Variants in KCNU1 observed in about 807,000 individuals in gnomAD.
KCNU1 encodes the protein potassium channel subfamily U member 1.
Under a neutral mutation model 126.8 loss-of-function variants are expected in KCNU1, and 93 were observed. The observed-to-expected ratio is 0.73, with a 90% CI of 0.62 to 0.87. The LOEUF is 0.87. KCNU1 is among the 40% of genes least tolerant of loss of function. The pLI is 0.00. For missense variants in KCNU1, 1,330 were observed against 1,367.1 expected (o/e 0.97, Z 0.43); for synonymous variants, 523 against 494.2 (o/e 1.06, Z -0.77).
In KCNU1 at chr8:36,936,079, C is replaced by A; in HGVS notation, c.*159C>A. 1.8e-6 allele frequency: 1 copy of A among 551,304 alleles called. No individual in the cohort carries two copies. Among genetic ancestry groups the A allele is most frequent in the Non-Finnish European group, 3.1e-6 (1 of 319,938 alleles). The allele number at this position is 551,304 out of a possible 1,614,324, so 34.2% of individuals were successfully genotyped here. Reference sequence around the variant, plus strand: ...ACACTGTTTTGGGTGAGACAAAAGTCTAATGCCACTGGATCTTGTGTGATA... The same window carrying A: ...ACACTGTTTTGGGTGAGACAAAAGTATAATGCCACTGGATCTTGTGTGATA... On this transcript the variant is annotated 3_prime_UTR_variant, in exon 27 of 27. Coordinates refer to ENST00000399881, the MANE Select transcript of KCNU1 (RefSeq NM_001031836.3).
intron 19 of KCNU1, among the ~76,000 whole-genome samples, chr8:36,864,875 T>C (rs1048467225): frequency 6.6e-5 from 10 of 152,116 alleles, no homozygotes; most frequent in African/African-American, 1.9e-4. Context: ...ACATTCAAGA[T>C]GTGATTGTCT....
At chr8:36,923,855 G>A (rs1425018638) in intron 24 of KCNU1, among the ~76,000 whole-genome samples, 6 of 152,162 alleles carry the variant, frequency 3.9e-5, no homozygotes, top group Admixed American at 3.3e-4. Context: ...AAAGGTTTAA[G>A]GAAGCAATAA....
intron 14 of KCNU1, among the ~76,000 whole-genome samples, chr8:36,837,249 A>C (rs184554707): frequency 1.9e-3 from 292 of 152,282 alleles, no homozygotes; most frequent in Middle Eastern, 6.8e-3. Flanking sequence ...TCAAAGTAGA[A>C]GCATTGAGTT....
chr8:36,894,268 C>G (rs910622839), intron 19 of KCNU1, among the ~76,000 whole-genome samples: 1 of 152,028 alleles, frequency 6.6e-6, no homozygotes, highest in Non-Finnish European at 1.5e-5. Flanking sequence ...GCACTTATCA[C>G]AATATTCTCA....
intron 4 of KCNU1, among the ~76,000 whole-genome samples, chr8:36,805,635 TG>T (rs1471835170): frequency 3.3e-5 from 5 of 152,206 alleles, no homozygotes; most frequent in Admixed American, 6.5e-5. Context: ...ACTGGTGGCA[TG>T]CCTGCAATAC....
intron 2 of KCNU1, among the ~76,000 whole-genome samples, chr8:36,792,045 G>C (rs1038789196): frequency 6.6e-6 from 1 of 152,114 alleles, no homozygotes; most frequent in Non-Finnish European, 1.5e-5. Flanking sequence ...ATTTTTTGCA[G>C]ATGATTACCT....
At chr8:36,924,035 T>C (rs1808455063) in intron 24 of KCNU1, among the ~76,000 whole-genome samples, 1 of 152,206 alleles carries the variant, frequency 6.6e-6, no homozygotes, top group South Asian at 2.1e-4. Flanking sequence ...TATTTTATTT[T>C]TAAACCAAGA....
intron 2 of KCNU1, among the ~76,000 whole-genome samples, chr8:36,791,479 C>T (rs1034528224): frequency 2.0e-5 from 3 of 152,038 alleles, no homozygotes; most frequent in African/African-American, 7.2e-5. Flanking sequence ...CTTTTTTCTT[C>T]AGGTAATCTA....
chr8:36,824,103 C>T (rs1193632806), intron 10 of KCNU1, among the ~76,000 whole-genome samples: 1 of 152,188 alleles, frequency 6.6e-6, no homozygotes, highest in Non-Finnish European at 1.5e-5. Flanking sequence ...TCCCAAAGTA[C>T]TGGGATTGCA....
intron 19 of KCNU1, among the ~76,000 whole-genome samples, chr8:36,881,986 TC>T (rs545529341): frequency 3.1e-4 from 47 of 152,206 alleles, no homozygotes; most frequent in African/African-American, 1.1e-3. Flanking sequence ...CATCCCCAGA[TC>T]CCTAAATGTT....
chr8:36,884,820 A>G lies in KCNU1; in HGVS notation c.2009+20299A>G, dbSNP rs546011859. On this transcript the variant is annotated intron_variant, in intron 19 of 26. Transcript: ENST00000399881. ...ACCAAGCCTCTTGATTCTGTGGCCTAGGAGAAGCAGTCTTAGTGAATAAGG... is the reference window on the plus strand; with the variant it reads ...ACCAAGCCTCTTGATTCTGTGGCCTGGGAGAAGCAGTCTTAGTGAATAAGG... 9.2e-5 allele frequency among the ~76,000 whole-genome samples: 14 copies of G among 152,274 alleles called. No individual in the cohort carries two copies. In the South Asian group the frequency reaches 1.2e-3, roughly 14 times the overall value.
At chr8:36,925,676 G>A (rs760144694) in intron 24 of KCNU1, among the ~76,000 whole-genome samples, 7 of 152,036 alleles carry the variant, frequency 4.6e-5, no homozygotes, top group African/African-American at 1.2e-4. Flanking sequence ...CCTTTATTCC[G>A]GGGACCATTT....
intron 10 of KCNU1, among the ~76,000 whole-genome samples, chr8:36,831,048 G>A (rs1335132449): frequency 6.6e-6 from 1 of 151,608 alleles, no homozygotes; most frequent in Non-Finnish European, 1.5e-5. Context: ...TGAGAATGAT[G>A]ATTTCCAATT....
chr8:36,787,278 A>G (rs367916169), intron 1 of KCNU1, 28 bp from the exon 2 acceptor site: 7 of 1,584,424 alleles, frequency 4.4e-6, no homozygotes, highest in African/African-American at 1.3e-5. Context: ...TCCAGCTCAC[A>G]TTGTCAATTT....
At chr8:36,880,082 T>C (rs1196714767) in intron 19 of KCNU1, among the ~76,000 whole-genome samples, 3 of 152,222 alleles carry the variant, frequency 2.0e-5, no homozygotes, top group Admixed American at 6.5e-5. Flanking sequence ...AAATCAAGTA[T>C]GGAAAGATTT....
intron 10 of KCNU1, among the ~76,000 whole-genome samples, chr8:36,830,894 G>A (rs1315736706): frequency 6.9e-6 from 1 of 145,928 alleles, no homozygotes; most frequent in Non-Finnish European, 1.5e-5. Context: ...ATCTCCCGAT[G>A]CTATCCCTCC....
intron 22 of KCNU1, among the ~76,000 whole-genome samples, chr8:36,913,220 T>G (rs1224492940): frequency 2.0e-5 from 3 of 152,150 alleles, no homozygotes; most frequent in Non-Finnish European, 4.4e-5. Flanking sequence ...ATATTGATTT[T>G]TTATGATATG....
intron 10 of KCNU1, among the ~76,000 whole-genome samples, chr8:36,824,384 T>G (rs1256737607): frequency 6.6e-6 from 1 of 152,218 alleles, no homozygotes; most frequent in Non-Finnish European, 1.5e-5. Flanking sequence ...TACAGCATAT[T>G]GTTATAATTA....
chr8:36,933,337 C>A (rs1443758586), intron 26 of KCNU1, among the ~76,000 whole-genome samples: 1 of 152,066 alleles, frequency 6.6e-6, no homozygotes, highest in Non-Finnish European at 1.5e-5. Context: ...TACTCCTCAT[C>A]CATGTCTGTA....
Sources: gnomAD v4.1 joint callset for allele counts (sites outside exome capture counted in the v4.1 genomes callset) on GRCh38, gnomAD v4.1.1 for gene constraint, MANE v1.5 for transcripts, NCBI Gene and HGNC (gene_info 2026-07-23, HGNC 2026-07-21) for gene names.